The following PRMT8 variants were observed in gnomAD, a reference collection of about 807,000 sequenced individuals.
The protein encoded by PRMT8 is protein arginine methyltransferase 8.
A neutral mutation model predicts 47.1 loss-of-function variants in PRMT8; 7 were observed. The ratio of observed to expected loss-of-function variants is 0.15; its 90% CI spans 0.08 to 0.28. The LOEUF (loss-of-function observed/expected upper bound fraction) is 0.28, where lower values mean the gene tolerates loss of function less well. PRMT8 is among the 10% of genes least tolerant of loss of function. The pLI is 1.00. For synonymous variants in PRMT8, 188 were observed against 186.5 expected, an observed-to-expected ratio of 1.01 and a Z score of -0.07; for missense variants, 237 against 505.4, an observed-to-expected ratio of 0.47 and a Z score of 5.09.
At chr12:3,586,165 G>T (rs1376381920) in intron 8 of PRMT8, among the ~76,000 whole-genome samples, 1 of 152,134 alleles carries the variant, frequency 6.6e-6, no homozygotes, top group Admixed American at 6.5e-5. Context: ...CAGCCTGCTG[G>T]ACCCTGTCTA....
chr12:3,505,798 A>G (rs913036675), intron 1 of PRMT8, among the ~76,000 whole-genome samples: 9 of 151,990 alleles, frequency 5.9e-5, no homozygotes, highest in Non-Finnish European at 1.3e-4. Context: ...ACCAGCTCCT[A>G]CCCACCTGGA....
rs76261580 is a variant in PRMT8, at chr12:3,512,326, T to C, written c.75+20626T>C. ...GATGTTGCCTCCAGCCTACTGTCCC[T>C]GGGTGATCTCATCCTCTTCTACATC... On this transcript the variant is annotated intron_variant, in intron 1 of 9. Transcript: ENST00000382622. 4.6e-3 allele frequency among the ~76,000 whole-genome samples: 700 copies of C among 152,336 alleles called. 8 individuals are homozygous for C. The highest frequency in any genetic ancestry group is 0.016 in the African/African-American group (668 of 41,578).
intron 2 of PRMT8, among the ~76,000 whole-genome samples, chr12:3,544,625 G>T (rs1866295691): frequency 6.6e-6 from 1 of 152,198 alleles, no homozygotes; most frequent in African/African-American, 2.4e-5. Context: ...GAGGGGTCTG[G>T]GCAGTGTGGC....
chr12:3,522,541 GT>G (rs1451511868), intron 1 of PRMT8, among the ~76,000 whole-genome samples: 2 of 151,732 alleles, frequency 1.3e-5, no homozygotes, highest in African/African-American at 2.4e-5. Context: ...GTGGGTGCCT[GT>G]AATCCCAGTT....
intron 1 of PRMT8, among the ~76,000 whole-genome samples, chr12:3,507,399 G>A (rs1398004370): frequency 1.3e-5 from 2 of 152,146 alleles, no homozygotes; most frequent in Non-Finnish European, 2.9e-5. Flanking sequence ...GGGATTACAG[G>A]CGTGAACCAC....
chr12:3,457,875 G>A (rs1284980328), intron 1 of PRMT8, among the ~76,000 whole-genome samples: 3 of 101,660 alleles, frequency 3.0e-5, no homozygotes, highest in African/African-American at 3.7e-5. Flanking sequence ...TTAAGACAGC[G>A]TTCTGTTGCC....
At chr12:3,473,087 G>A (rs1865176163) in intron 1 of PRMT8, among the ~76,000 whole-genome samples, 1 of 152,074 alleles carries the variant, frequency 6.6e-6, no homozygotes, top group South Asian at 2.1e-4. Flanking sequence ...TCAGCCCTTT[G>A]TCCCTATGAA....
intron 7 of PRMT8, among the ~76,000 whole-genome samples, chr12:3,578,314 A>G (rs1866986726): frequency 6.6e-6 from 1 of 152,044 alleles, no homozygotes; most frequent in South Asian, 2.1e-4. Flanking sequence ...CTGCAGCCTC[A>G]CTGAGGCTCA....
chr12:3,452,316 AACAC>A (rs10630697), intron 1 of PRMT8, among the ~76,000 whole-genome samples: 1 of 150,060 alleles, frequency 6.7e-6, no homozygotes, highest in African/African-American at 2.4e-5. Context: ...ACCTAAATTA[AACAC>A]ACACACACAC....
intron 8 of PRMT8, among the ~76,000 whole-genome samples, chr12:3,585,980 C>G (rs901697626): frequency 2.0e-5 from 3 of 152,044 alleles, no homozygotes; most frequent in African/African-American, 7.3e-5. Context: ...ATTCCATCAC[C>G]AGGATGATGT....
At chr12:3,540,911 C>T (rs1000075805) in intron 2 of PRMT8, 120 bp downstream of exon 2, 2 of 1,181,876 alleles carry the variant, frequency 1.7e-6, no homozygotes, top group Admixed American at 2.2e-5. Context: ...CCCAGTGTTC[C>T]TGAGTCCTCT....
At chr12:3,545,855 A>G (rs1866319435) in intron 2 of PRMT8, among the ~76,000 whole-genome samples, 1 of 152,274 alleles carries the variant, frequency 6.6e-6, no homozygotes, top group South Asian at 2.1e-4. Flanking sequence ...ATACAATCAA[A>G]CAACATGAGC....
At chr12:3,554,377 T>TTAGATGCAGTCCCGAGCCC (rs1565440066) in intron 4 of PRMT8, among the ~76,000 whole-genome samples, 3 of 152,178 alleles carry the variant, frequency 2.0e-5, no homozygotes, top group Non-Finnish European at 2.9e-5. Flanking sequence ...GACAGCAGGA[T>TTAGATGCAGTCCCGAGCCC]TAGATGCAGT....
chr12:3,568,678 G>T (rs757871726), intron 4 of PRMT8, 28 bp from the exon 5 acceptor site: 1 of 1,613,956 alleles, frequency 6.2e-7, no homozygotes, highest in South Asian at 1.1e-5. Context: ...TCCCTGCAAA[G>T]TATGGCCCTG....
chr12:3,432,598 G>A (rs1366864620), intron 1 of PRMT8, among the ~76,000 whole-genome samples: 1 of 151,968 alleles, frequency 6.6e-6, no homozygotes, highest in African/African-American at 2.4e-5. Context: ...TCAGGAGGCC[G>A]ATGGGGCTGG....
At position 3,558,463 on chromosome 12, in the gene PRMT8, G is replaced by A. The variant is rs79103442; in HGVS notation, c.481+4749G>A. Among the ~76,000 whole-genome samples the A allele has an allele frequency of 2.6e-5, 4 of 152,276 alleles. No homozygotes were observed. The East Asian group carries it at 5.8e-4, about 22-fold the overall frequency. On this transcript the variant is annotated intron_variant, in intron 4 of 9. Coordinates refer to ENST00000382622, the MANE Select transcript of PRMT8 (RefSeq NM_019854.5). Reference sequence around the variant, plus strand: ...ACCATCAAAGTCAGGAAATTAAAACGTCATCATTACCTAATGCCCAGATCC... The same window carrying A: ...ACCATCAAAGTCAGGAAATTAAAACATCATCATTACCTAATGCCCAGATCC...
chr12:3,558,963 T>C (rs1053109472), intron 4 of PRMT8, among the ~76,000 whole-genome samples: 1 of 141,038 alleles, frequency 7.1e-6, no homozygotes, highest in Non-Finnish European at 1.5e-5. Flanking sequence ...TCTATCTACC[T>C]ATCTATCTAT....
Position 3,576,968 on chromosome 12 carries a change from C to G in PRMT8, c.810C>G (p.Thr270=). ...TCGTGGATCCAAAGCAAGTGGTGAC[C>G]AATGCCTGTTTGATAAAGGTCTGGA... is the stretch of plus-strand genomic sequence containing the variant. The part of the protein sequence containing the change: ...VDIVDPKQVV[T]NACLIKEVDI... Residue 270 remains threonine (T), a synonymous_variant, in exon 7 of 10, where the codon ACC becomes ACG. Coordinates refer to ENST00000382622, the MANE Select transcript of PRMT8 (RefSeq NM_019854.5). This position sits in a 1 kb window ranked among gnomAD's most constrained non-coding sequence, Gnocchi z 4.0. 6.2e-7 allele frequency: 1 copy of G among 1,614,044 alleles called. No individual in the cohort carries two copies. Among genetic ancestry groups the G allele is most frequent in the Non-Finnish European group, 8.5e-7 (1 of 1,179,924 alleles).
chr12:3,506,948 G>T (rs1189218892), intron 1 of PRMT8, among the ~76,000 whole-genome samples: 1 of 152,054 alleles, frequency 6.6e-6, no homozygotes, highest in Admixed American at 6.6e-5. Flanking sequence ...CCGTCTTCTT[G>T]GCGCTAAATC....
Sources: gnomAD v4.1 joint callset for allele counts (sites outside exome capture counted in the v4.1 genomes callset) on GRCh38, gnomAD v4.1.1 for gene constraint, Gnocchi (gnomAD v3.1) non-coding constraint, MANE v1.5 for transcripts, NCBI Gene and HGNC (gene_info 2026-07-23, HGNC 2026-07-21) for gene names.